MTMR8: variants seen among roughly 807,000 people sequenced by gnomAD.
MTMR8 encodes myotubularin related protein 8.
Under a neutral mutation model 39.3 loss-of-function variants are expected in MTMR8, and 65 were observed. The observed-to-expected ratio is 1.65, with a 90% CI of 1.35 to 2.03. The LOEUF is 2.03. MTMR8 is among the 30% of genes most tolerant of loss of function. MTMR8 has a pLI of 0.00. For missense variants in MTMR8, 777 were observed against 538.9 expected (o/e 1.44, Z -4.37); for synonymous variants, 245 against 185.2 (o/e 1.32, Z -2.62).
At chrX:64,341,479 CAAAAAAAA>C (rs758580930) in intron 8 of MTMR8, among the ~76,000 whole-genome samples, 11 of 25,533 alleles carry the variant, frequency 4.3e-4, no homozygotes, top group African/African-American at 1.4e-3. Flanking sequence ...AACTCTGTCT[CAAAAAAAA>C]AAAAAAAAAA....
At chrX:64,291,812 C>T (rs768218888) in intron 12 of MTMR8, among the ~76,000 whole-genome samples, 117 of 111,595 alleles carry the variant, frequency 1.0e-3, no homozygotes, top group African/African-American at 3.7e-3. Context: ...ATGGTCTCCC[C>T]CATGCCTCAT....
chrX:64,383,496 T>G (rs1924484196), intron 1 of MTMR8, among the ~76,000 whole-genome samples: 1 of 109,593 alleles, frequency 9.1e-6, no homozygotes, highest in Non-Finnish European at 1.9e-5. Flanking sequence ...ATTTGGTTCA[T>G]GGTTCTGCAG....
At chrX:64,295,255 C>A (rs1159351909) in intron 12 of MTMR8, among the ~76,000 whole-genome samples, 2 of 111,038 alleles carry the variant, frequency 1.8e-5, no homozygotes, top group Non-Finnish European at 3.8e-5. Context: ...CACACACACA[C>A]ACACACAAAA....
At chrX:64,272,699 C>T (rs1385561489) in intron 12 of MTMR8, among the ~76,000 whole-genome samples, 1 of 110,423 alleles carries the variant, frequency 9.1e-6, no homozygotes, top group Non-Finnish European at 1.9e-5. Context: ...CACGATGAAT[C>T]TAAAGAAATC....
chrX:64,278,320 T>G (rs1306641703), intron 12 of MTMR8, among the ~76,000 whole-genome samples: 1 of 109,882 alleles, frequency 9.1e-6, no homozygotes, highest in African/African-American at 3.3e-5. Context: ...TTCTGGCTTA[T>G]GGAATTCTCA....
In MTMR8 at chrX:64,335,882, CAG is replaced by C. The variant is rs1193331363; in HGVS notation, c.1151+195_1151+196del. 2.7e-5 allele frequency among the ~76,000 whole-genome samples: 3 copies of C among 112,314 alleles called. No homozygotes were observed. In the Middle Eastern group the frequency reaches 0.014, roughly 525 times the overall value. On this transcript the variant is annotated intron_variant, in intron 10 of 13. Coordinates refer to ENST00000374852, the MANE Select transcript of MTMR8 (RefSeq NM_017677.4). The stretch of plus-strand genomic sequence containing the variant: ...TATAATTACTTGTACTCCTTGAAAA[CAG>C]GGATAATATTCTGGTTACTTTTGTC...
At chrX:64,319,920 G>GT (rs982531203) in intron 12 of MTMR8, among the ~76,000 whole-genome samples, 12 of 111,489 alleles carry the variant, frequency 1.1e-4, no homozygotes, top group Admixed American at 2.9e-4. Context: ...CTTTAAAGTA[G>GT]TTTTTTCCAA....
chrX:64,386,853 G>A (rs1460137900), intron 1 of MTMR8, among the ~76,000 whole-genome samples: 1 of 109,387 alleles, frequency 9.1e-6, no homozygotes, highest in Non-Finnish European at 1.9e-5. Flanking sequence ...AGACCAGCCT[G>A]GGCAACATAG....
chrX:64,301,197 A>T (rs1921860418), intron 12 of MTMR8, among the ~76,000 whole-genome samples: 1 of 109,932 alleles, frequency 9.1e-6, no homozygotes, highest in South Asian at 4.0e-4. Flanking sequence ...CATTCTCCTC[A>T]TCACTTTCAG....
chrX:64,281,566 A>G (rs1932014560), intron 12 of MTMR8, among the ~76,000 whole-genome samples: 2 of 112,217 alleles, frequency 1.8e-5, no homozygotes, highest in Non-Finnish European at 3.8e-5. Flanking sequence ...TGGATTAAAT[A>G]CTTAAATACA....
At chrX:64,285,555 C>T (rs1269376423) in intron 12 of MTMR8, among the ~76,000 whole-genome samples, 9 of 111,619 alleles carry the variant, frequency 8.1e-5, no homozygotes, top group Admixed American at 1.9e-4. Context: ...TATTCCAAAA[C>T]TGACCACATA....
At chrX:64,365,743 C>A (rs964161234) in intron 1 of MTMR8, among the ~76,000 whole-genome samples, 19 of 111,554 alleles carry the variant, frequency 1.7e-4, no homozygotes, top group Non-Finnish European at 2.8e-4. Flanking sequence ...ATGACAGGAT[C>A]AAATTCACAC....
intron 12 of MTMR8, among the ~76,000 whole-genome samples, chrX:64,280,452 T>A (rs186976010): frequency 7.7e-4 from 86 of 111,969 alleles, no homozygotes; most frequent in African/African-American, 2.8e-3. Context: ...AAAAACCACA[T>A]AATTATCTCA....
rs760815418 is a variant in MTMR8, at chrX:64,356,316, G to A, written c.170C>T (p.Thr57Ile). The change falls in exon 3 of 14, where the codon ACT (threonine) becomes ATT (isoleucine). Residue 57 changes from threonine to isoleucine, a missense_variant. Coordinates refer to ENST00000374852, the MANE Select transcript of MTMR8 (RefSeq NM_017677.4). ...ETWIALHHIA[T>I]VEKLPITSLG... Reference sequence around the variant, plus strand: ...GCTAGTGATGGGTAACTTCTCCACAGTGGCAATGTGATGGAGTGCAATCTG... The same window carrying A: ...GCTAGTGATGGGTAACTTCTCCACAATGGCAATGTGATGGAGTGCAATCTG... The A allele has an allele frequency of 8.3e-7, 1 of 1,205,049 alleles. No individual in the cohort carries two copies. Among genetic ancestry groups the A allele is most frequent in the Non-Finnish European group, 1.1e-6 (1 of 893,441 alleles).
At chrX:64,334,363 G>A (rs1923018847) in intron 10 of MTMR8, among the ~76,000 whole-genome samples, 1 of 109,233 alleles carries the variant, frequency 9.2e-6, no homozygotes, top group African/African-American at 3.3e-5. Context: ...GAATACCCTT[G>A]TATCTATATC....
chrX:64,352,659 G>A (rs925738764), intron 4 of MTMR8, among the ~76,000 whole-genome samples: 1 of 111,548 alleles, frequency 9.0e-6, no homozygotes, highest in East Asian at 2.8e-4. Context: ...CCAAAACCAG[G>A]AAAGCTGGGA....
intron 1 of MTMR8, among the ~76,000 whole-genome samples, chrX:64,368,695 A>C (rs1222414112): frequency 8.9e-6 from 1 of 112,117 alleles, no homozygotes; most frequent in Non-Finnish European, 1.9e-5. Context: ...GGACATAGGC[A>C]TGGGCAAGGA....
rs770546205 is a variant in MTMR8, at chrX:64,300,407, T to C, written c.1481+28365A>G. ...GACACTAGCATTGCAAACCCTGCCTTTTTTTGTTTTCCATTTGCTTGGTAG... is the reference window on the plus strand; with the variant it reads ...GACACTAGCATTGCAAACCCTGCCTCTTTTTGTTTTCCATTTGCTTGGTAG... On this transcript the variant is annotated intron_variant, in intron 12 of 13. Coordinates refer to ENST00000374852, the MANE Select transcript of MTMR8 (RefSeq NM_017677.4). Among the ~76,000 whole-genome samples the C allele has an allele frequency of 3.6e-5, 4 of 111,522 alleles. No homozygotes were observed. In the East Asian group the frequency reaches 8.5e-4, roughly 24 times the overall value.
chrX:64,360,437 T>C (rs1017926940), intron 1 of MTMR8: 5 of 275,076 alleles, frequency 1.8e-5, no homozygotes, highest in Middle Eastern at 6.8e-4. Flanking sequence ...ACTTACACAT[T>C]ACAACTGAAA....
Sources: gnomAD v4.1 joint callset for allele counts (sites outside exome capture counted in the v4.1 genomes callset) on GRCh38, gnomAD v4.1.1 for gene constraint, MANE v1.5 for transcripts, NCBI Gene and HGNC (gene_info 2026-07-23, HGNC 2026-07-21) for gene names.